The following DOCK4 variants were observed in gnomAD, a reference collection of about 807,000 sequenced individuals.
DOCK4 encodes dedicator of cytokinesis protein 4.
DOCK4 carries 97 observed loss-of-function variants against 268.1 expected under a neutral mutation model. The ratio of observed to expected loss-of-function variants is 0.36; its 90% CI spans 0.31 to 0.43. The LOEUF (loss-of-function observed/expected upper bound fraction) is 0.43. DOCK4 is among the 20% of genes least tolerant of loss of function. The pLI, the probability that DOCK4 is intolerant of heterozygous loss-of-function variation, is 1.00. For missense variants in DOCK4, 2,145 were observed against 2,455.7 expected (o/e 0.87, Z 2.67); for synonymous variants, 954 against 887.2 (o/e 1.08, Z -1.34).
intron 1 of DOCK4, among the ~76,000 whole-genome samples, chr7:112,117,345 A>G (rs888522580): frequency 3.3e-5 from 5 of 150,950 alleles, no homozygotes; most frequent in Admixed American, 6.7e-5. Context: ...TACCACTTTT[A>G]TTAGCTTCAT....
rs190205526 is a variant in DOCK4, at chr7:112,046,153, T to G, written c.38-42022A>C. On this transcript the variant is annotated intron_variant, in intron 1 of 52. Coordinates refer to ENST00000428084, the MANE Select transcript of DOCK4 (RefSeq NM_001363540.2). ...TGGATATACTTGGCATTTACTGGAT[T>G]CTGTGAACTTTTACTGGCAGGGAAA... Among the ~76,000 whole-genome samples, 42 of 152,354 alleles carry G rather than the reference T, an allele frequency of 2.8e-4. No individual in the cohort carries two copies. In the South Asian group the frequency reaches 8.1e-3, roughly 29 times the overall value.
intron 8 of DOCK4, among the ~76,000 whole-genome samples, chr7:111,952,533 T>C (rs1478714558): frequency 6.6e-6 from 1 of 152,240 alleles, no homozygotes; most frequent in Admixed American, 6.5e-5. Context: ...GGATTTATAT[T>C]TATCACTTTT....
At chr7:111,860,598 T>C (rs1488846716) in intron 23 of DOCK4, among the ~76,000 whole-genome samples, 1 of 150,522 alleles carries the variant, frequency 6.6e-6, no homozygotes, top group African/African-American at 2.5e-5. Flanking sequence ...GGGTTTCCTC[T>C]TCTTCTCTTC....
intron 1 of DOCK4, among the ~76,000 whole-genome samples, chr7:112,128,844 T>C (rs1289966693): frequency 6.6e-6 from 1 of 152,050 alleles, no homozygotes; most frequent in East Asian, 1.9e-4. Context: ...TCTGCTGACC[T>C]TCCCTCCACT....
chr7:111,741,922 C>A (rs1254857371), intron 45 of DOCK4, 91 bp downstream of exon 45: 7 of 1,469,440 alleles, frequency 4.8e-6, no homozygotes, highest in South Asian at 2.9e-5. Flanking sequence ...AGAAAAACCA[C>A]AAGATGTCAC....
chr7:111,756,887 G>A (rs1797058737), intron 41 of DOCK4, among the ~76,000 whole-genome samples: 1 of 152,104 alleles, frequency 6.6e-6, no homozygotes, highest in African/African-American at 2.4e-5. Context: ...TAAGAGCTCA[G>A]AGTGAAGAGA....
In DOCK4 at chr7:112,002,227, T is replaced by C. The variant is rs141859964; in HGVS notation, c.122-1693A>G. Among the ~76,000 whole-genome samples, 756 of 152,298 alleles carry C rather than the reference T, an allele frequency of 5.0e-3. 3 individuals are homozygous for C. Among genetic ancestry groups the C allele is most frequent in the Admixed American group, 0.011 (174 of 15,292 alleles). On this transcript the variant is annotated intron_variant, in intron 2 of 52. Transcript: ENST00000428084. ...AATGAACTGAAAATCAGAATCTCTA[T>C]ATCTCAGGGTTTATCAGTTGCCATA...
At chr7:112,043,723 T>C (rs1457687918) in intron 1 of DOCK4, among the ~76,000 whole-genome samples, 1 of 151,924 alleles carries the variant, frequency 6.6e-6, no homozygotes, top group African/African-American at 2.4e-5. Context: ...TTGAGAATAT[T>C]TGACCTCAAT....
intron 36 of DOCK4, among the ~76,000 whole-genome samples, chr7:111,773,989 C>T (rs936249723): frequency 6.6e-6 from 1 of 151,774 alleles, no homozygotes; most frequent in African/African-American, 2.4e-5. Context: ...TACATTCCAG[C>T]CTGGGTGACA....
At chr7:112,175,024 T>C (rs1818388846) in intron 1 of DOCK4, among the ~76,000 whole-genome samples, 2 of 148,280 alleles carry the variant, frequency 1.3e-5, no homozygotes, top group African/African-American at 5.0e-5. Context: ...CACTGAAACC[T>C]GGCTAATTTT....
chr7:112,088,244 T>C (rs1809303494), intron 1 of DOCK4, among the ~76,000 whole-genome samples: 1 of 152,144 alleles, frequency 6.6e-6, no homozygotes, highest in Non-Finnish European at 1.5e-5. Flanking sequence ...CTTCTTCAAG[T>C]TTAAACACTC....
chr7:112,110,721 C>T (rs1811574861), intron 1 of DOCK4, among the ~76,000 whole-genome samples: 1 of 152,212 alleles, frequency 6.6e-6, no homozygotes, highest in South Asian at 2.1e-4. Context: ...ATTAAAGATT[C>T]CTCAACCCTA....
chr7:112,203,380 C>T (rs1821113447), intron 1 of DOCK4, among the ~76,000 whole-genome samples: 1 of 152,122 alleles, frequency 6.6e-6, no homozygotes, highest in African/African-American at 2.4e-5. Flanking sequence ...GGGACGGTGC[C>T]TATACATCAG....
chr7:112,178,532 T>C lies in DOCK4; in HGVS notation c.37+27570A>G, dbSNP rs532761235. ...CAACCTAGCCAGGAAATACCCACCATGAAATAACAGTGCTAGGAAAAGAGC... is the reference window on the plus strand; with the variant it reads ...CAACCTAGCCAGGAAATACCCACCACGAAATAACAGTGCTAGGAAAAGAGC... On this transcript the variant is annotated intron_variant, in intron 1 of 52. Coordinates refer to ENST00000428084, the MANE Select transcript of DOCK4 (RefSeq NM_001363540.2). Among the ~76,000 whole-genome samples the C allele has an allele frequency of 5.3e-5, 8 of 152,274 alleles. No individual in the cohort carries two copies. The South Asian group carries it at 1.4e-3, about 28-fold the overall frequency.
At chr7:111,938,858 C>T (rs1428411690) in intron 11 of DOCK4, among the ~76,000 whole-genome samples, 3 of 151,860 alleles carry the variant, frequency 2.0e-5, no homozygotes, top group Non-Finnish European at 4.4e-5. Flanking sequence ...GCCTGTAATC[C>T]CAGCTACTCA....
intron 1 of DOCK4, among the ~76,000 whole-genome samples, chr7:112,032,428 A>C (rs1586682544): frequency 6.6e-6 from 1 of 152,332 alleles, no homozygotes; most frequent in South Asian, 2.1e-4. Flanking sequence ...TTTTAGGAAA[A>C]CCTTTCACAT....
chr7:111,791,099 T>TATATATAA lies in DOCK4; in HGVS notation c.3167-495_3167-494insTTATATAT, dbSNP rs1289561664. ...ATATATATATATATATATATATATA[T>TATATATAA]AAAATAAATCATCAGGAATTGGTTA... On this transcript the variant is annotated intron_variant, in intron 30 of 52. Transcript: ENST00000428084. 5.8e-5 allele frequency among the ~76,000 whole-genome samples: 8 copies of TATATATAA among 137,466 alleles called. 1 individual carries two copies. The highest frequency in any genetic ancestry group is 1.2e-4 in the Non-Finnish European group (8 of 64,862). The allele number at this position is 137,466 out of a possible 152,430, so 90.2% of individuals were successfully genotyped here.
At chr7:111,907,429 G>T (rs1417542308) in intron 13 of DOCK4, among the ~76,000 whole-genome samples, 1 of 151,916 alleles carries the variant, frequency 6.6e-6, no homozygotes, top group African/African-American at 2.4e-5. Context: ...AATGCATGGA[G>T]ATCTGGCAGC....
intron 1 of DOCK4, among the ~76,000 whole-genome samples, chr7:112,038,388 G>A (rs965983726): frequency 1.6e-4 from 24 of 152,174 alleles, no homozygotes; most frequent in African/African-American, 5.6e-4. Flanking sequence ...TAATTAGCAG[G>A]CATATCAATA....
Sources: gnomAD v4.1 joint callset for allele counts (sites outside exome capture counted in the v4.1 genomes callset) on GRCh38, gnomAD v4.1.1 for gene constraint, MANE v1.5 for transcripts, NCBI Gene and HGNC (gene_info 2026-07-23, HGNC 2026-07-21) for gene names.